Variants in PPFIBP2 observed in about 807,000 individuals in gnomAD.
PPFIBP2 encodes the protein PPFIB scaffold protein 2, also known as liprin-beta-2.
Under a neutral mutation model 118.3 loss-of-function variants are expected in PPFIBP2, and 118 were observed. The ratio of observed to expected loss-of-function variants is 1.00; its 90% CI spans 0.86 to 1.16. The LOEUF (loss-of-function observed/expected upper bound fraction) is 1.16, where lower values mean the gene tolerates loss of function less well. PPFIBP2 is among the 50% of genes most tolerant of loss of function. The pLI is 0.00. For synonymous variants in PPFIBP2, 414 were observed against 397.4 expected (o/e 1.04, Z -0.50); for missense variants, 1,195 against 1,073.1 (o/e 1.11, Z -1.59).
intron 6 of PPFIBP2, among the ~76,000 whole-genome samples, chr11:7,620,716 A>G (rs1479680596): frequency 6.6e-6 from 1 of 152,150 alleles, no homozygotes; most frequent in Non-Finnish European, 1.5e-5. Context: ...TCTAAAACTA[A>G]AAGGAAAGTT....
chr11:7,538,353 G>A (rs970883927), intron 1 of PPFIBP2: 5 of 152,588 alleles, frequency 3.3e-5, no homozygotes, highest in South Asian at 4.1e-4. Flanking sequence ...GGCACCCGGA[G>A]GTGAGGTCTC....
chr11:7,585,259 T>C (rs1857932939), intron 3 of PPFIBP2, among the ~76,000 whole-genome samples: 1 of 152,182 alleles, frequency 6.6e-6, no homozygotes, highest in Non-Finnish European at 1.5e-5. Flanking sequence ...GGAAGGCAGA[T>C]GCATTTTGAG....
chr11:7,567,134 T>C (rs906284109), intron 3 of PPFIBP2, among the ~76,000 whole-genome samples: 2 of 152,224 alleles, frequency 1.3e-5, no homozygotes, highest in Non-Finnish European at 1.5e-5. Flanking sequence ...TGGTTTCTTG[T>C]TTTCCTTTTG....
intron 4 of PPFIBP2, chr11:7,597,049 A>G (rs1860452258): frequency 1.2e-6 from 1 of 816,062 alleles, no homozygotes; most frequent in Non-Finnish European, 1.7e-6. Flanking sequence ...GTCAGTGCTA[A>G]TACATGCCCT....
At chr11:7,660,530 G>A (rs1854867903), downstream of PPFIBP2, among the ~76,000 whole-genome samples, 1 of 149,634 alleles carries the variant, frequency 6.7e-6, no homozygotes, top group South Asian at 2.1e-4. Context: ...TTTTTGATGT[G>A]CTGCTGGATT....
intron 7 of PPFIBP2, among the ~76,000 whole-genome samples, chr11:7,625,115 A>G (rs1307318417): frequency 6.6e-6 from 1 of 152,168 alleles, no homozygotes; most frequent in Non-Finnish European, 1.5e-5. Flanking sequence ...TGTACTTATG[A>G]GCTGTGTATA....
chr11:7,577,692 C>A (rs1176578188), intron 3 of PPFIBP2: 3 of 445,232 alleles, frequency 6.7e-6, no homozygotes, highest in African/African-American at 6.4e-5. Flanking sequence ...GAGGGGGAGA[C>A]GCTTTGGGGT....
At chr11:7,623,443 C>G (rs1184164047) in intron 7 of PPFIBP2, among the ~76,000 whole-genome samples, 2 of 152,210 alleles carry the variant, frequency 1.3e-5, no homozygotes, top group African/African-American at 4.8e-5. Flanking sequence ...CTGGACTGTT[C>G]TTGGCCTTCC....
downstream of PPFIBP2, among the ~76,000 whole-genome samples, chr11:7,661,229 A>T (rs955904942): frequency 1.4e-5 from 2 of 144,456 alleles, no homozygotes; most frequent in African/African-American, 5.1e-5. Flanking sequence ...AGTTCTTTTA[A>T]TTGTGATGTC....
At chr11:7,568,662 T>C (rs1053206852) in intron 3 of PPFIBP2, among the ~76,000 whole-genome samples, 9 of 152,200 alleles carry the variant, frequency 5.9e-5, no homozygotes, top group African/African-American at 2.2e-4. Flanking sequence ...AAAGTGGCCC[T>C]CAGGAAGACA....
At chr11:7,577,799 C>G (rs535299895) in intron 3 of PPFIBP2, among the ~76,000 whole-genome samples, 1 of 152,250 alleles carries the variant, frequency 6.6e-6, no homozygotes, top group Admixed American at 6.5e-5. Context: ...ATTATAGACA[C>G]CAGGGAGAAA....
chr11:7,634,640 C>A, intron 13 of PPFIBP2, 88 bp downstream of exon 13: 1 of 992,668 alleles, frequency 1.0e-6, no homozygotes, highest in South Asian at 1.3e-5. Context: ...GTCCTGGTCC[C>A]TACCTTGTAG....
intron 1 of PPFIBP2, among the ~76,000 whole-genome samples, chr11:7,529,502 G>T (rs1452671687): frequency 2.0e-5 from 3 of 152,100 alleles, no homozygotes; most frequent in African/African-American, 4.8e-5. Flanking sequence ...TACCAGTACG[G>T]CTCAGCCATC....
intron 3 of PPFIBP2, 56 bp downstream of exon 3, chr11:7,565,823 A>G (rs890166861): frequency 1.7e-5 from 26 of 1,573,162 alleles, no homozygotes; most frequent in East Asian, 9.0e-5. Context: ...GGTGCAGCCC[A>G]TGGAGTGCCA....
chr11:7,654,081 C>A (rs1015196890), downstream of PPFIBP2, among the ~76,000 whole-genome samples: 1 of 152,204 alleles, frequency 6.6e-6, no homozygotes, highest in Admixed American at 6.5e-5. Context: ...ATGAGCCCCC[C>A]CAGTGAAGGG....
chr11:7,646,654 G>T (rs1407534587), intron 17 of PPFIBP2, among the ~76,000 whole-genome samples: 1 of 152,158 alleles, frequency 6.6e-6, no homozygotes, highest in Non-Finnish European at 1.5e-5. Context: ...GAGCCCAGGA[G>T]CTCAAGGCTG....
chr11:7,545,296 G>C (rs1852210306), intron 1 of PPFIBP2, among the ~76,000 whole-genome samples: 1 of 152,124 alleles, frequency 6.6e-6, no homozygotes, highest in South Asian at 2.1e-4. Context: ...TGGGCGTGGT[G>C]GTACACACCC....
chr11:7,624,174 C>T (rs1186945510), intron 7 of PPFIBP2, among the ~76,000 whole-genome samples: 2 of 152,176 alleles, frequency 1.3e-5, no homozygotes, highest in African/African-American at 4.8e-5. Flanking sequence ...TTCATCTGTC[C>T]TGTTAACTCA....
intron 5 of PPFIBP2, among the ~76,000 whole-genome samples, chr11:7,609,860 G>T (rs1055132235): frequency 3.9e-5 from 6 of 152,280 alleles, no homozygotes; most frequent in African/African-American, 1.4e-4. Flanking sequence ...GTTGAAAACT[G>T]GGCTGAGCAT....
Sources: allele counts gnomAD v4.1 joint callset (sites outside exome capture counted in the v4.1 genomes callset), GRCh38; gene constraint gnomAD v4.1.1; transcripts MANE v1.5; gene names NCBI Gene and HGNC (gene_info 2026-07-23, HGNC 2026-07-21).